The following SMIM14 variants were observed in gnomAD, a reference collection of about 807,000 sequenced individuals.
SMIM14 encodes the protein small integral membrane protein 14.
In SMIM14, 5 loss-of-function variants were observed where a neutral mutation model predicts 12.6. The observed-to-expected ratio is 0.40, with a 90% CI of 0.21 to 0.83. SMIM14 has a LOEUF of 0.83. SMIM14 is among the 40% of genes least tolerant of loss of function. The pLI is 0.37. For missense variants in SMIM14, 86 were observed against 119.1 expected (o/e 0.72, Z 1.29); for synonymous variants, 30 against 40.1 (o/e 0.75, Z 0.95).
intron 1 of SMIM14, among the ~76,000 whole-genome samples, chr4:39,625,179 T>C (rs1323080044): frequency 1.4e-5 from 2 of 148,126 alleles, no homozygotes; most frequent in African/African-American, 5.0e-5. Context: ...GATCATGCCA[T>C]TGCACTCCAG....
intron 2 of SMIM14, among the ~76,000 whole-genome samples, chr4:39,586,589 C>T (rs1357263110): frequency 6.6e-6 from 1 of 152,048 alleles, no homozygotes; most frequent in African/African-American, 2.4e-5. Context: ...TTGCTGAGCT[C>T]TCTCCAAAAT....
intron 2 of SMIM14, among the ~76,000 whole-genome samples, chr4:39,595,755 C>G (rs1399690718): frequency 6.6e-6 from 1 of 151,160 alleles, no homozygotes; most frequent in African/African-American, 2.4e-5. Flanking sequence ...ATTACAGGCA[C>G]GCGTCATCAC....
Position 39,560,284 on chromosome 4 carries a change from T to C in SMIM14, c.125-3714A>G, listed in dbSNP as rs568722091. 2.7e-5 allele frequency among the ~76,000 whole-genome samples: 4 copies of C among 148,814 alleles called. No individual in the cohort carries two copies. The East Asian group carries it at 6.1e-4, about 23-fold the overall frequency. On this transcript the variant is annotated intron_variant, in intron 3 of 4. Transcript: ENST00000295958. ...TTTTTTTTGAGATGGAATCTCGTTC[T>C]GTCACCAGGCTGGAGTGCAGTGGCG... is the stretch of plus-strand genomic sequence containing the variant.
In SMIM14 at chr4:39,551,607, A is replaced by C. The variant is rs915577924; in HGVS notation, c.*519T>G. 1 of 152,722 alleles carries C rather than the reference A, an allele frequency of 6.5e-6. No homozygotes were observed. The highest frequency in any genetic ancestry group is 1.5e-5 in the Non-Finnish European group (1 of 68,090). The allele number at this position is 152,722 out of a possible 1,614,324, so 9.5% of individuals were successfully genotyped here. A position where few individuals can be genotyped will look rare whatever the true frequency, so the allele number is the denominator to read the frequency against. On this transcript the variant is annotated 3_prime_UTR_variant, in exon 5 of 5. Coordinates refer to ENST00000295958, the MANE Select transcript of SMIM14 (RefSeq NM_174921.3). ...AATCCAAGAGCTACCACAGTCCCCA[A>C]AACTACAGAAAACTGCCATCCACAA...
chr4:39,611,280 C>T (rs1316494412), intron 1 of SMIM14, among the ~76,000 whole-genome samples: 1 of 152,136 alleles, frequency 6.6e-6, no homozygotes, highest in East Asian at 1.9e-4. Flanking sequence ...CCAAGGCAGG[C>T]AGATCACCTG....
At chr4:39,559,537 TA>T (rs1712188535) in intron 3 of SMIM14, among the ~76,000 whole-genome samples, 1 of 151,980 alleles carries the variant, frequency 6.6e-6, no homozygotes, top group African/African-American at 2.4e-5. Flanking sequence ...CAGGAAAAAG[TA>T]AAAGAAATCC....
chr4:39,618,335 A>G (rs1287226249), intron 1 of SMIM14, among the ~76,000 whole-genome samples: 1 of 152,158 alleles, frequency 6.6e-6, no homozygotes, highest in Admixed American at 6.5e-5. Flanking sequence ...AGATGTGATC[A>G]CCACTCTCAA....
rs145560921 is a variant in SMIM14 at position 39,598,505 on chromosome 4, T to C, written c.75+6566A>G. 1.6e-3 allele frequency among the ~76,000 whole-genome samples: 245 copies of C among 152,272 alleles called. 1 individual carries two copies. The Middle Eastern group carries it at 0.027, about 17-fold the overall frequency. On this transcript the variant is annotated intron_variant, in intron 2 of 4. Transcript: ENST00000295958. ...TGTTAAATACCCATAGATGTACCAG[T>C]ATAGAGTATGAAGATCTGCTTCTCC...
At chr4:39,559,284 G>A (rs1282304803) in intron 3 of SMIM14, among the ~76,000 whole-genome samples, 2 of 151,884 alleles carry the variant, frequency 1.3e-5, no homozygotes, top group African/African-American at 4.8e-5. Context: ...AGCTACCCAG[G>A]AGGCTGAGGC....
At chr4:39,596,009 T>C (rs572113078) in intron 2 of SMIM14, among the ~76,000 whole-genome samples, 1 of 152,254 alleles carries the variant, frequency 6.6e-6, no homozygotes, top group East Asian at 1.9e-4. Context: ...CACATGGTTT[T>C]AAAATATAAA....
chr4:39,601,894 CTATT>C (rs1390968838), intron 2 of SMIM14, among the ~76,000 whole-genome samples: 2 of 148,058 alleles, frequency 1.4e-5, no homozygotes, highest in Non-Finnish European at 3.0e-5. Flanking sequence ...TTGCAATGAG[CTATT>C]ACCACACCAC....
chr4:39,561,897 C>T (rs1002232778), intron 3 of SMIM14, among the ~76,000 whole-genome samples: 18 of 151,992 alleles, frequency 1.2e-4, no homozygotes, highest in African/African-American at 3.1e-4. Context: ...CGTGCCACTG[C>T]ACTCCAGCCT....
chr4:39,628,041 G>A (rs1278464473), intron 1 of SMIM14, among the ~76,000 whole-genome samples: 1 of 152,208 alleles, frequency 6.6e-6, no homozygotes, highest in Non-Finnish European at 1.5e-5. Context: ...AGGCGTGGGG[G>A]CTCACGCCTA....
At chr4:39,609,844 C>T (rs1356398424) in intron 1 of SMIM14, among the ~76,000 whole-genome samples, 1 of 152,200 alleles carries the variant, frequency 6.6e-6, no homozygotes, top group African/African-American at 2.4e-5. Context: ...TTCAACAGAT[C>T]AGCGACAACG....
chr4:39,596,390 C>T (rs950789417), intron 2 of SMIM14, among the ~76,000 whole-genome samples: 12 of 152,120 alleles, frequency 7.9e-5, no homozygotes, highest in Admixed American at 1.3e-4. Context: ...CCACCGGGCC[C>T]GGCCGCATAT....
intron 4 of SMIM14, among the ~76,000 whole-genome samples, chr4:39,555,343 A>G (rs753788294): frequency 2.6e-5 from 4 of 151,432 alleles, no homozygotes; most frequent in Admixed American, 2.6e-4. Context: ...AACGATTCTC[A>G]TGCCTCGGCC....
At chr4:39,567,733 G>T (rs570954605) in intron 3 of SMIM14, among the ~76,000 whole-genome samples, 3 of 151,102 alleles carry the variant, frequency 2.0e-5, no homozygotes, top group East Asian at 2.0e-4. Flanking sequence ...GCAAGACTCC[G>T]TCTCAAAAGA....
intron 2 of SMIM14, among the ~76,000 whole-genome samples, chr4:39,579,461 T>C (rs1437631287): frequency 1.3e-5 from 2 of 149,054 alleles, no homozygotes; most frequent in African/African-American, 4.9e-5. Flanking sequence ...AAAAAGGGAT[T>C]AAGAGAATGG....
intron 3 of SMIM14, among the ~76,000 whole-genome samples, chr4:39,571,382 C>T (rs1712873714): frequency 6.6e-6 from 1 of 151,842 alleles, no homozygotes; most frequent in South Asian, 2.1e-4. Flanking sequence ...GTTTAAGACC[C>T]ATGTGGGCAA....
Sources: gnomAD v4.1 joint callset for allele counts (sites outside exome capture counted in the v4.1 genomes callset) on GRCh38, gnomAD v4.1.1 for gene constraint, MANE v1.5 for transcripts, NCBI Gene and HGNC (gene_info 2026-07-23, HGNC 2026-07-21) for gene names.